Variants in LRRTM4 observed in about 807,000 individuals in gnomAD.
The protein encoded by LRRTM4 is leucine rich repeat transmembrane neuronal 4, also known as leucine-rich repeat transmembrane neuronal protein 4.
In LRRTM4, 25 loss-of-function variants were observed where a neutral mutation model predicts 47.6. That is an observed-to-expected ratio of 0.53 (90% CI 0.38 to 0.73). LRRTM4 has a LOEUF of 0.73. Among genes scored for constraint, LRRTM4 ranks in the 30% least tolerant of loss-of-function variants. The pLI is 0.00. For missense variants in LRRTM4, 638 were observed against 713.4 expected, an observed-to-expected ratio of 0.89 and a Z score of 1.20; for synonymous variants, 311 against 269.5, an observed-to-expected ratio of 1.15 and a Z score of -1.51.
chr2:76,977,087 C>A (rs1676447717), intron 3 of LRRTM4, among the ~76,000 whole-genome samples: 1 of 151,518 alleles, frequency 6.6e-6, no homozygotes, highest in African/African-American at 2.4e-5. Flanking sequence ...CAGCAAAACT[C>A]TTACCTTTGA....
At chr2:77,414,699 C>T (rs1674572018) in intron 3 of LRRTM4, among the ~76,000 whole-genome samples, 1 of 152,124 alleles carries the variant, frequency 6.6e-6, no homozygotes, top group Admixed American at 6.6e-5. Flanking sequence ...CTGGGGAGCA[C>T]CAAAAGTGAA....
At position 76,998,408 on chromosome 2, in the gene LRRTM4, T is replaced by C. The variant is rs573315280; in HGVS notation, c.1552-249492A>G. On this transcript the variant is annotated intron_variant, in intron 3 of 3. Transcript: ENST00000409884. ...GGGCACCTACAGCTGGGGTTAATAA[T>C]GATGTGTGGCCCTTCTACTATCTAT... is the stretch of plus-strand genomic sequence containing the variant. 2.2e-3 allele frequency among the ~76,000 whole-genome samples: 333 copies of C among 152,216 alleles called. 6 individuals carry two copies. Among genetic ancestry groups the C allele is most frequent in the Non-Finnish European group, 2.9e-4 (20 of 68,002 alleles).
At chr2:77,311,503 C>A (rs1677456905) in intron 3 of LRRTM4, among the ~76,000 whole-genome samples, 1 of 152,156 alleles carries the variant, frequency 6.6e-6, no homozygotes, top group South Asian at 2.1e-4. Flanking sequence ...TTGCTTTGCA[C>A]ATCATTAAAG....
intron 3 of LRRTM4, among the ~76,000 whole-genome samples, chr2:76,878,788 C>T (rs1243284595): frequency 3.9e-5 from 6 of 151,988 alleles, no homozygotes; most frequent in South Asian, 2.1e-4. Flanking sequence ...GCAGGAGAAT[C>T]GCTTGAACCC....
chr2:76,945,884 T>G (rs1675307097), intron 3 of LRRTM4, among the ~76,000 whole-genome samples: 1 of 152,006 alleles, frequency 6.6e-6, no homozygotes, highest in South Asian at 2.1e-4. Context: ...AATAATTTTA[T>G]CCACAATTGA....
intron 3 of LRRTM4, among the ~76,000 whole-genome samples, chr2:77,218,514 ATT>A (rs1389811628): frequency 6.7e-6 from 1 of 150,194 alleles, no homozygotes; most frequent in Non-Finnish European, 1.5e-5. Flanking sequence ...TTATTTATTT[ATT>A]TATTTATTTA....
chr2:77,517,994 G>T, intron 3 of LRRTM4: 7 of 1,051,356 alleles, frequency 6.7e-6, no homozygotes, highest in Non-Finnish European at 8.0e-6. Flanking sequence ...AGAAATTTCA[G>T]AATGAAAAGA....
chr2:77,439,585 A>C (rs1675751691), intron 3 of LRRTM4, among the ~76,000 whole-genome samples: 1 of 152,146 alleles, frequency 6.6e-6, no homozygotes, highest in African/African-American at 2.4e-5. Context: ...CTATTTTTCC[A>C]ATTTTATTTT....
intron 3 of LRRTM4, among the ~76,000 whole-genome samples, chr2:76,974,360 A>T (rs1378035541): frequency 6.7e-6 from 1 of 150,342 alleles, no homozygotes; most frequent in African/African-American, 2.4e-5. Context: ...AAATTAAAAA[A>T]TAAATGGTTT....
rs775223224 is a variant in LRRTM4, at chr2:77,309,708, TAGATAG to T, written c.1551+208604_1551+208609del. ...ATAGATAGATAGATAGATAGATAGA[TAGATAG>T]ATAGATAGATAGATAGATATAACAA... On this transcript the variant is annotated intron_variant, in intron 3 of 3. Coordinates refer to ENST00000409884, the MANE Select transcript of LRRTM4 (RefSeq NM_001134745.3). 3.3e-5 allele frequency among the ~76,000 whole-genome samples: 5 copies of T among 151,666 alleles called. 2 individuals carry two copies. Among genetic ancestry groups the T allele is most frequent in the Admixed American group, 3.3e-4 (5 of 15,222 alleles).
intron 3 of LRRTM4, among the ~76,000 whole-genome samples, chr2:76,955,920 G>T (rs1675661014): frequency 6.6e-6 from 1 of 151,350 alleles, no homozygotes; most frequent in Admixed American, 6.6e-5. Flanking sequence ...TGACAAAGAT[G>T]GACAGCAAGA....
chr2:76,910,599 G>A (rs797006134), intron 3 of LRRTM4, among the ~76,000 whole-genome samples: 4 of 152,276 alleles, frequency 2.6e-5, no homozygotes, highest in African/African-American at 9.6e-5. Flanking sequence ...CATAAAGAAT[G>A]TATGTATCCA....
intron 3 of LRRTM4, among the ~76,000 whole-genome samples, chr2:76,798,993 T>C (rs950275821): frequency 2.0e-5 from 3 of 150,700 alleles, no homozygotes; most frequent in African/African-American, 7.3e-5. Context: ...CAGGACCAGA[T>C]GGATTCACAG....
intron 3 of LRRTM4, among the ~76,000 whole-genome samples, chr2:77,457,251 C>G (rs1676599460): frequency 6.6e-6 from 1 of 151,778 alleles, no homozygotes; most frequent in African/African-American, 2.4e-5. Flanking sequence ...CCTCTCACTA[C>G]AAAATCTGTT....
At chr2:77,015,997 G>A (rs930401151) in intron 3 of LRRTM4, among the ~76,000 whole-genome samples, 7 of 151,982 alleles carry the variant, frequency 4.6e-5, no homozygotes, top group Admixed American at 2.6e-4. Context: ...CAAGAGAATC[G>A]CTTGAACTGG....
intron 3 of LRRTM4, among the ~76,000 whole-genome samples, chr2:76,790,937 A>G (rs142676368): frequency 6.6e-6 from 1 of 152,254 alleles, no homozygotes; most frequent in Non-Finnish European, 1.5e-5. Flanking sequence ...ATAGTGGAAG[A>G]ATGTGTTTCC....
At chr2:77,416,541 A>G (rs1328615343) in intron 3 of LRRTM4, among the ~76,000 whole-genome samples, 4 of 152,220 alleles carry the variant, frequency 2.6e-5, no homozygotes, top group Admixed American at 6.6e-5. Flanking sequence ...AATGGCTACA[A>G]ATTCATTCTC....
At chr2:77,128,188 A>G (rs1671702931) in intron 3 of LRRTM4, among the ~76,000 whole-genome samples, 1 of 151,618 alleles carries the variant, frequency 6.6e-6, no homozygotes, top group South Asian at 2.1e-4. Flanking sequence ...CCTCAGAAAC[A>G]AATAAAATAA....
intron 3 of LRRTM4, among the ~76,000 whole-genome samples, chr2:77,243,093 G>A (rs1675314786): frequency 6.6e-6 from 1 of 152,074 alleles, no homozygotes; most frequent in Non-Finnish European, 1.5e-5. Flanking sequence ...AGGAAATTAT[G>A]GTAAGTGAAA....
Sources: allele counts gnomAD v4.1 joint callset (sites outside exome capture counted in the v4.1 genomes callset), GRCh38; gene constraint gnomAD v4.1.1; transcripts MANE v1.5; gene names NCBI Gene and HGNC (gene_info 2026-07-23, HGNC 2026-07-21).